Variants in SLC22A3 observed in about 807,000 individuals in gnomAD.
SLC22A3 encodes solute carrier family 22 member 3, also known as EMT organic cation transporter 3.
Under a neutral mutation model 59.1 loss-of-function variants are expected in SLC22A3, and 51 were observed. That is an observed-to-expected ratio of 0.86 (90% CI 0.69 to 1.09). The LOEUF is 1.09. Among genes scored for constraint, SLC22A3 ranks in the 50% least tolerant of loss-of-function variants. The pLI is 0.00. For missense variants in SLC22A3, 711 were observed against 726.3 expected (o/e 0.98, Z 0.24); for synonymous variants, 325 against 292.0 (o/e 1.11, Z -1.15).
At chr6:160,381,713 T>C (rs190235861) in intron 1 of SLC22A3, among the ~76,000 whole-genome samples, 2 of 152,326 alleles carry the variant, frequency 1.3e-5, no homozygotes, top group East Asian at 3.9e-4. Context: ...GAGATTATTA[T>C]GATGTCTATT....
At chr6:160,416,457 G>A (rs888885765) in intron 5 of SLC22A3, among the ~76,000 whole-genome samples, 2 of 144,654 alleles carry the variant, frequency 1.4e-5, no homozygotes, top group Non-Finnish European at 1.6e-5. Flanking sequence ...TAACTTTTAA[G>A]GCTTACTTAA....
intron 2 of SLC22A3, among the ~76,000 whole-genome samples, chr6:160,406,360 A>G (rs184054487): frequency 1.1e-3 from 163 of 152,314 alleles, no homozygotes; most frequent in Non-Finnish European, 2.8e-4. Flanking sequence ...ATTTGACACC[A>G]CTATGCTGAA....
intron 5 of SLC22A3, among the ~76,000 whole-genome samples, chr6:160,414,177 G>T (rs1446509231): frequency 2.6e-5 from 4 of 152,276 alleles, no homozygotes; most frequent in Non-Finnish European, 4.4e-5. Flanking sequence ...GAGATACCTG[G>T]TAGCTGCTTG....
chr6:160,420,291 C>G (rs1009319817), intron 5 of SLC22A3, among the ~76,000 whole-genome samples: 5 of 152,186 alleles, frequency 3.3e-5, no homozygotes, highest in African/African-American at 1.2e-4. Flanking sequence ...TGGGATGCCT[C>G]ATCAGACAGC....
intron 1 of SLC22A3, among the ~76,000 whole-genome samples, chr6:160,352,491 A>G (rs376611477): frequency 1.6e-4 from 24 of 152,138 alleles, no homozygotes; most frequent in East Asian, 9.6e-4. Context: ...GGATTTTTCA[A>G]TGCTTGCTAA....
At chr6:160,392,726 C>T (rs1055466180) in intron 1 of SLC22A3, among the ~76,000 whole-genome samples, 1 of 152,146 alleles carries the variant, frequency 6.6e-6, no homozygotes, top group African/African-American at 2.4e-5. Flanking sequence ...GAAACCCAAA[C>T]CAAATTATTA....
chr6:160,417,555 A>G (rs952785166), intron 5 of SLC22A3, among the ~76,000 whole-genome samples: 2 of 152,162 alleles, frequency 1.3e-5, no homozygotes, highest in African/African-American at 4.8e-5. Context: ...GGGGTATCTG[A>G]TTGTGGTAGA....
At chr6:160,423,700 C>T (rs113301851) in intron 5 of SLC22A3, among the ~76,000 whole-genome samples, 2 of 152,096 alleles carry the variant, frequency 1.3e-5, no homozygotes, top group African/African-American at 2.4e-5. Context: ...AATTTGAGTT[C>T]TTTGTAGATT....
intron 1 of SLC22A3, among the ~76,000 whole-genome samples, chr6:160,366,261 C>T (rs1410832665): frequency 6.6e-6 from 1 of 152,164 alleles, no homozygotes; most frequent in Non-Finnish European, 1.5e-5. Context: ...CCTGTAAAAC[C>T]AAAAGTAATT....
rs765338776 is a variant in SLC22A3, at chr6:160,437,021, A to G, written c.1098A>G (p.Gln366=). ...GGTTCACAAGCGCAGTGGTGTATCAAGGACTTGTCATGCGCCTGGGAATTA... is the reference window on the plus strand; with the variant it reads ...GGTTCACAAGCGCAGTGGTGTATCAGGGACTTGTCATGCGCCTGGGAATTA... The part of the protein sequence containing the change: ...FAWFTSAVVY[Q]GLVMRLGIIG... The change falls in exon 7 of 11, where the codon CAA becomes CAG. Residue 366 remains glutamine, a synonymous_variant. Transcript: ENST00000275300. 6.2e-7 allele frequency: 1 copy of G among 1,614,174 alleles called. No homozygotes were observed. The highest frequency in any genetic ancestry group is 1.1e-5 in the South Asian group (1 of 91,082).
rs553431663 is a variant in SLC22A3, at chr6:160,391,600, A to G, written c.430-6379A>G. On this transcript the variant is annotated intron_variant, in intron 1 of 10. Transcript: ENST00000275300. ...ATCCAGGCTGTCTGGCTCCAGAACT[A>G]GGACTCGTCTTTGCCAAGAGAACCC... Among the ~76,000 whole-genome samples, 62 of 152,340 alleles carry G rather than the reference A, an allele frequency of 4.1e-4. No homozygotes were observed. In the South Asian group the frequency reaches 0.012, roughly 30 times the overall value.
intron 10 of SLC22A3, among the ~76,000 whole-genome samples, chr6:160,450,264 T>C (rs1788900893): frequency 6.6e-6 from 1 of 152,072 alleles, no homozygotes; most frequent in Admixed American, 6.5e-5. Context: ...TTTCCCAGGG[T>C]CTTAATTATT....
At chr6:160,399,296 C>G (rs1786656804) in intron 2 of SLC22A3, among the ~76,000 whole-genome samples, 2 of 152,148 alleles carry the variant, frequency 1.3e-5, no homozygotes, top group African/African-American at 2.4e-5. Context: ...CTAATTTCCC[C>G]CACATGCCAC....
chr6:160,363,389 C>A (rs1422931641), intron 1 of SLC22A3, among the ~76,000 whole-genome samples: 1 of 152,158 alleles, frequency 6.6e-6, no homozygotes, highest in Non-Finnish European at 1.5e-5. Flanking sequence ...AGAGTCCAGG[C>A]CCCGTGCCCC....
intron 1 of SLC22A3, among the ~76,000 whole-genome samples, chr6:160,351,792 G>T (rs1187311830): frequency 6.6e-6 from 1 of 152,134 alleles, no homozygotes; most frequent in African/African-American, 2.4e-5. Flanking sequence ...GGTGGGAGGG[G>T]TATCATTGTC....
At chr6:160,355,555 A>T (rs1187474610) in intron 1 of SLC22A3, among the ~76,000 whole-genome samples, 2 of 151,632 alleles carry the variant, frequency 1.3e-5, no homozygotes, top group Non-Finnish European at 2.9e-5. Context: ...AGGTCAGGAG[A>T]TCGAGACCAT....
Position 160,398,087 on chromosome 6 carries a change from G to C in SLC22A3, c.533+5G>C, listed in dbSNP as rs376606157. On this transcript the variant is annotated splice_donor_5th_base_variant and intron_variant, in intron 2 of 10. Transcript: ENST00000275300. ...CTTAGGCTATGCAGCAGACAGGTAG[G>C]TACCAATGTGACAGCCATTTTATGT... 1.7e-4 allele frequency: 279 copies of C among 1,604,282 alleles called. 1 individual carries two copies. The highest frequency in any genetic ancestry group is 2.0e-4 in the Non-Finnish European group (230 of 1,171,322).
intron 5 of SLC22A3, among the ~76,000 whole-genome samples, chr6:160,424,552 A>G (rs1236270529): frequency 2.0e-5 from 3 of 152,150 alleles, no homozygotes; most frequent in Non-Finnish European, 4.4e-5. Flanking sequence ...AACTTCTAGG[A>G]TCCCTTCATT....
intron 5 of SLC22A3, among the ~76,000 whole-genome samples, chr6:160,432,586 C>T (rs1176053883): frequency 1.3e-5 from 2 of 151,992 alleles, no homozygotes; most frequent in South Asian, 2.1e-4. Flanking sequence ...CACCACCAAG[C>T]CCAGATATTT....
Sources: gnomAD v4.1 joint callset for allele counts (sites outside exome capture counted in the v4.1 genomes callset) on GRCh38, gnomAD v4.1.1 for gene constraint, MANE v1.5 for transcripts, NCBI Gene and HGNC (gene_info 2026-07-23, HGNC 2026-07-21) for gene names.